The following TBC1D22A variants were observed in gnomAD, a reference collection of about 807,000 sequenced individuals.
The protein encoded by TBC1D22A is putative GTPase activator.
Under a neutral mutation model 60.2 loss-of-function variants are expected in TBC1D22A, and 38 were observed. The observed-to-expected ratio is 0.63, with a 90% CI of 0.49 to 0.83. The LOEUF (loss-of-function observed/expected upper bound fraction) is 0.83. Ranked by LOEUF, TBC1D22A falls within the 40% of genes least tolerant of loss-of-function variation. The probability of loss-of-function intolerance (pLI) is 0.00; values close to 1 mark genes in which losing one functional copy is unlikely to be tolerated. For missense variants in TBC1D22A, 628 were observed against 701.0 expected (o/e 0.90, Z 1.18); for synonymous variants, 302 against 281.7 (o/e 1.07, Z -0.72).
At chr22:47,103,051 C>T (rs1265833817) in intron 11 of TBC1D22A, among the ~76,000 whole-genome samples, 1 of 152,190 alleles carries the variant, frequency 6.6e-6, no homozygotes, top group Non-Finnish European at 1.5e-5. Flanking sequence ...CTCCCAAACC[C>T]TCACCCTCAC....
intron 8 of TBC1D22A, among the ~76,000 whole-genome samples, chr22:46,949,260 G>A (rs1455577817): frequency 1.3e-5 from 2 of 152,204 alleles, no homozygotes; most frequent in African/African-American, 4.8e-5. Context: ...GACAACAGCC[G>A]GTCACACTCG....
At chr22:46,998,823 C>T (rs570657597) in intron 10 of TBC1D22A, among the ~76,000 whole-genome samples, 1 of 152,248 alleles carries the variant, frequency 6.6e-6, no homozygotes. Flanking sequence ...AGCTGCTTTT[C>T]AACCCATCAT....
chr22:47,060,280 T>A (rs7290614), intron 11 of TBC1D22A, among the ~76,000 whole-genome samples: 2 of 145,376 alleles, frequency 1.4e-5, no homozygotes, highest in African/African-American at 5.2e-5. Flanking sequence ...CTTGCTCTGT[T>A]GCCCAGGCTG....
At chr22:46,803,754 C>T (rs1049170512) in intron 4 of TBC1D22A, among the ~76,000 whole-genome samples, 3 of 152,212 alleles carry the variant, frequency 2.0e-5, no homozygotes, top group African/African-American at 7.2e-5. Flanking sequence ...AGGGCTTTGT[C>T]AAGGAAGGCA....
intron 11 of TBC1D22A, among the ~76,000 whole-genome samples, chr22:47,050,475 T>C (rs1219207767): frequency 6.6e-6 from 1 of 152,256 alleles, no homozygotes; most frequent in African/African-American, 2.4e-5. Context: ...TGCTCTGTTT[T>C]TTAGGTAACC....
intron 9 of TBC1D22A, among the ~76,000 whole-genome samples, chr22:46,977,602 C>T (rs953255182): frequency 3.3e-5 from 5 of 152,164 alleles, no homozygotes; most frequent in South Asian, 2.1e-4. Flanking sequence ...GGTCTGTTCT[C>T]GCACTGCTTA....
chr22:46,969,212 TG>T (rs2073951252), intron 8 of TBC1D22A, among the ~76,000 whole-genome samples: 1 of 152,218 alleles, frequency 6.6e-6, no homozygotes, highest in South Asian at 2.1e-4. Context: ...GCTTAAACAT[TG>T]TTTTTTTCTG....
chr22:47,175,171 A>C lies in TBC1D22A; in HGVS notation c.*1545A>C, dbSNP rs1157682792. 6.6e-6 allele frequency: 1 copy of C among 152,276 alleles called. No individual in the cohort carries two copies. Among genetic ancestry groups the C allele is most frequent in the Non-Finnish European group, 1.5e-5 (1 of 68,058 alleles). 9.4% of individuals were successfully genotyped at this position (152,276 alleles called of 1,614,324 possible). Reference sequence around the variant, plus strand: ...CCAGGGTCATTACACACAGCATGGAAATTAGCACAAAATGCTGTGCAAACG... The same window carrying C: ...CCAGGGTCATTACACACAGCATGGACATTAGCACAAAATGCTGTGCAAACG... On this transcript the variant is annotated 3_prime_UTR_variant, in exon 13 of 13. Coordinates refer to ENST00000337137, the MANE Select transcript of TBC1D22A (RefSeq NM_014346.5).
At chr22:46,923,213 A>C (rs1403501596) in intron 8 of TBC1D22A, among the ~76,000 whole-genome samples, 3 of 152,250 alleles carry the variant, frequency 2.0e-5, no homozygotes, top group Non-Finnish European at 4.4e-5. Context: ...ACTGTTGAGA[A>C]GACTTATTGA....
At chr22:47,065,007 G>A (rs929322878) in intron 11 of TBC1D22A, among the ~76,000 whole-genome samples, 2 of 151,864 alleles carry the variant, frequency 1.3e-5, no homozygotes, top group South Asian at 2.1e-4. Flanking sequence ...TTTTTGAGAC[G>A]GAGTCTCACT....
chr22:46,795,394 G>A (rs801596), intron 3 of TBC1D22A, among the ~76,000 whole-genome samples: 6,610 of 152,342 alleles, frequency 0.043, 480 homozygotes, highest in African/African-American at 0.15. Context: ...CACGGTGTGT[G>A]GCTGGGGGAT....
At chr22:47,166,407 T>C (rs2068210457) in intron 12 of TBC1D22A, among the ~76,000 whole-genome samples, 1 of 152,230 alleles carries the variant, frequency 6.6e-6, no homozygotes, top group Admixed American at 6.5e-5. Context: ...CAAAATACTA[T>C]CATTTGAACC....
At chr22:46,913,280 C>G in intron 8 of TBC1D22A, 1 of 1,314,048 alleles carries the variant, frequency 7.6e-7, no homozygotes, top group Non-Finnish European at 1.0e-6. Context: ...TTTTGTCTTC[C>G]TGCAAGCCTT....
Position 47,092,366 on chromosome 22 carries a change from C to T in TBC1D22A, c.1330-19142C>T, listed in dbSNP as rs985831972. Among the ~76,000 whole-genome samples, 8 of 152,098 alleles carry T rather than the reference C, an allele frequency of 5.3e-5. No homozygotes were observed. In the East Asian group the frequency reaches 1.3e-3, roughly 26 times the overall value. On this transcript the variant is annotated intron_variant, in intron 11 of 12. Coordinates refer to ENST00000337137, the MANE Select transcript of TBC1D22A (RefSeq NM_014346.5). Reference sequence around the variant, plus strand: ...TCTCAGTGAAGAGGGACAGGACTCACCATAAGGGATGGGGCCTTGGGTTGG... The same window carrying T: ...TCTCAGTGAAGAGGGACAGGACTCATCATAAGGGATGGGGCCTTGGGTTGG...
chr22:46,878,136 C>G (rs2067652607), intron 4 of TBC1D22A, among the ~76,000 whole-genome samples: 1 of 151,908 alleles, frequency 6.6e-6, no homozygotes, highest in African/African-American at 2.4e-5. Flanking sequence ...TAAAGACAAG[C>G]TTATCTCCGT....
intron 11 of TBC1D22A, among the ~76,000 whole-genome samples, chr22:47,054,823 C>T (rs1211254842): frequency 1.3e-5 from 2 of 152,190 alleles, no homozygotes; most frequent in African/African-American, 2.4e-5. Flanking sequence ...CCAGTTCCCT[C>T]AAGTCTCCCT....
rs2083762887 is a variant in TBC1D22A, at chr22:46,777,729, G to T, written c.63-14791G>T. Among the ~76,000 whole-genome samples, 1 of 152,184 alleles carries T rather than the reference G, an allele frequency of 6.6e-6. No individual in the cohort carries two copies. Among genetic ancestry groups the T allele is most frequent in the Admixed American group, 6.5e-5 (1 of 15,286 alleles). Reference sequence around the variant, plus strand: ...GCCAGGATTGAGTGAGAAGCAGCAAGAAGGAGAGAGGGGAAATGGGCCTCG... The same window carrying T: ...GCCAGGATTGAGTGAGAAGCAGCAATAAGGAGAGAGGGGAAATGGGCCTCG... On this transcript the variant is annotated intron_variant, in intron 1 of 12. Transcript: ENST00000337137. This position sits in a 1 kb window ranked among gnomAD's most constrained non-coding sequence, Gnocchi z 4.5.
chr22:46,785,701 T>C (rs1304277010), intron 1 of TBC1D22A, among the ~76,000 whole-genome samples: 2 of 152,252 alleles, frequency 1.3e-5, no homozygotes, highest in Admixed American at 6.5e-5. Flanking sequence ...AATAATATAA[T>C]GTGCATTTCT....
chr22:46,835,018 A>C (rs1408547850), intron 4 of TBC1D22A, among the ~76,000 whole-genome samples: 1 of 152,206 alleles, frequency 6.6e-6, no homozygotes, highest in Non-Finnish European at 1.5e-5. Flanking sequence ...GATTGAGATA[A>C]GGTATAGAAT....
Sources: gnomAD v4.1 joint callset for allele counts (sites outside exome capture counted in the v4.1 genomes callset) on GRCh38, gnomAD v4.1.1 for gene constraint, Gnocchi (gnomAD v3.1) non-coding constraint, MANE v1.5 for transcripts, NCBI Gene and HGNC (gene_info 2026-07-23, HGNC 2026-07-21) for gene names.